ZNF33A: variants seen among roughly 807,000 people sequenced by gnomAD.
The protein encoded by ZNF33A is zinc finger protein 33A.
A neutral mutation model predicts 15.9 loss-of-function variants in ZNF33A; 9 were observed. That is an observed-to-expected ratio of 0.57 (90% confidence interval 0.34 to 0.99). ZNF33A has a LOEUF of 0.99. ZNF33A is among the 50% of genes least tolerant of loss of function. The pLI is 0.02. For synonymous variants in ZNF33A, 294 were observed against 324.2 expected (o/e 0.91, Z 1.00); for missense variants, 843 against 941.6 (o/e 0.90, Z 1.37).
chr10:38,056,138 A>G lies in ZNF33A; in HGVS notation c.2014A>G (p.Lys672Glu), dbSNP rs1376314538. The G allele has an allele frequency of 5.6e-6, 9 of 1,614,032 alleles. No homozygotes were observed. The highest frequency in any genetic ancestry group is 7.6e-6 in the Non-Finnish European group (9 of 1,180,012). Residue 672 changes from lysine to glutamate, a missense_variant, in exon 5 of 5, where the codon AAA (lysine) becomes GAA (glutamate). By Grantham distance (56) the Lys-to-Glu change is moderately conservative. Coordinates refer to ENST00000432900, the MANE Select transcript of ZNF33A (RefSeq NM_006954.2). ...EKPYKCNECG[K>E]SFCVKSGLIF... The stretch of plus-strand genomic sequence containing the variant: ...GCCCTATAAATGTAATGAATGTGGA[A>G]AATCTTTCTGTGTAAAATCAGGACT...
At chr10:38,017,633 C>G in intron 4 of ZNF33A, 1 of 269,176 alleles carries the variant, frequency 3.7e-6, no homozygotes, top group Non-Finnish European at 6.9e-6. Flanking sequence ...CAGTCTTTGC[C>G]CACCTCAACT....
intron 2 of ZNF33A, among the ~76,000 whole-genome samples, chr10:38,015,179 A>G (rs566649333): frequency 2.6e-5 from 4 of 152,122 alleles, no homozygotes; most frequent in East Asian, 1.9e-4. Context: ...CTGGCCTCCA[A>G]TTCCATTCTT....
intron 2 of ZNF33A, among the ~76,000 whole-genome samples, chr10:38,014,567 C>T (rs1318394452): frequency 6.6e-6 from 1 of 152,094 alleles, no homozygotes; most frequent in Non-Finnish European, 1.5e-5. Flanking sequence ...TTCCTTTTTT[C>T]ATGTGGTTAA....
chr10:38,034,626 A>G (rs2135653875), intron 4 of ZNF33A, among the ~76,000 whole-genome samples: 1 of 152,322 alleles, frequency 6.6e-6, no homozygotes, highest in Middle Eastern at 3.4e-3. Context: ...CCTATTTTCC[A>G]TATTGTACAC....
intron 2 of ZNF33A, among the ~76,000 whole-genome samples, chr10:38,013,488 T>C (rs909533062): frequency 6.6e-6 from 1 of 151,918 alleles, no homozygotes; most frequent in African/African-American, 2.4e-5. Context: ...AGCACAGTGG[T>C]GTGATCTTGG....
chr10:38,062,093 G>A (rs1472380459), downstream of ZNF33A, among the ~76,000 whole-genome samples: 2 of 152,206 alleles, frequency 1.3e-5, no homozygotes, highest in African/African-American at 2.4e-5. Flanking sequence ...GGAGCCAGCT[G>A]GAGAGAACAC....
intron 4 of ZNF33A, among the ~76,000 whole-genome samples, chr10:38,051,161 G>A (rs745669599): frequency 6.6e-6 from 1 of 151,948 alleles, no homozygotes. Context: ...TTGGTTTCTT[G>A]TACAAGATGT....
At chr10:38,024,918 C>T (rs1480263965) in intron 4 of ZNF33A, among the ~76,000 whole-genome samples, 1 of 152,212 alleles carries the variant, frequency 6.6e-6, no homozygotes, top group East Asian at 1.9e-4. Context: ...TAGTAACTGT[C>T]TTGATTATTT....
chr10:38,063,924 C>T (rs11011437), downstream of ZNF33A, among the ~76,000 whole-genome samples: 4,166 of 152,248 alleles, frequency 0.027, 140 homozygotes, highest in African/African-American at 0.082. Flanking sequence ...GCTTTGGCTC[C>T]TTAGGATTCA....
chr10:38,025,879 G>T lies in ZNF33A; in HGVS notation c.250+8493G>T, dbSNP rs1590528750. On this transcript the variant is annotated intron_variant, in intron 4 of 4. Coordinates refer to ENST00000432900, the MANE Select transcript of ZNF33A (RefSeq NM_006954.2). The stretch of plus-strand genomic sequence containing the variant: ...ATAGCCATTACCACAATTTCTAATA[G>T]ATTTTCATTATTTCAAACAGAAACC... Among the ~76,000 whole-genome samples, 7 of 152,276 alleles carry T rather than the reference G, an allele frequency of 4.6e-5. No individual in the cohort carries two copies. In the South Asian group the frequency reaches 1.4e-3, roughly 32 times the overall value.
intron 1 of ZNF33A, among the ~76,000 whole-genome samples, chr10:38,011,421 C>T (rs2064178695): frequency 6.6e-6 from 1 of 152,086 alleles, no homozygotes. Flanking sequence ...CCCGTCTCTA[C>T]TAAAAATACG....
chr10:38,021,509 C>T (rs373827466), intron 4 of ZNF33A, among the ~76,000 whole-genome samples: 8 of 151,902 alleles, frequency 5.3e-5, no homozygotes, highest in African/African-American at 7.3e-5. Flanking sequence ...GGCATGGTGG[C>T]GCATGCCTGT....
chr10:38,015,439 G>A (rs1163535565), intron 2 of ZNF33A, among the ~76,000 whole-genome samples: 8 of 151,902 alleles, frequency 5.3e-5, no homozygotes, highest in South Asian at 2.1e-4. Context: ...GTGTCTCAGC[G>A]GGTGTCTCAG....
chr10:38,041,628 A>C (rs1370766610), intron 4 of ZNF33A, among the ~76,000 whole-genome samples: 1 of 152,180 alleles, frequency 6.6e-6, no homozygotes, highest in Non-Finnish European at 1.5e-5. Flanking sequence ...CAAATCTGAA[A>C]CTGAGTGCCA....
upstream of ZNF33A, chr10:38,010,631 T>C: frequency 1.4e-6 from 2 of 1,387,968 alleles, no homozygotes; most frequent in East Asian, 2.3e-5. Flanking sequence ...CATCAAGCTG[T>C]GCGCGTGGGC....
rs1219282497 is a variant in ZNF33A at position 38,055,442 on chromosome 10, C to A, written c.1318C>A (p.Pro440Thr). 1.2e-6 allele frequency: 2 copies of A among 1,613,904 alleles called. No individual in the cohort carries two copies. The highest frequency in any genetic ancestry group is 2.7e-5 in the African/African-American group (2 of 74,860). ...KHQRTHTGLK[P>T]YECYECGKSF... ...TCAGAGAACACACACAGGGCTGAAACCCTATGAATGTTATGAATGTGGAAA... is the reference window on the plus strand; with the variant it reads ...TCAGAGAACACACACAGGGCTGAAAACCTATGAATGTTATGAATGTGGAAA... The change falls in exon 5 of 5, where the codon CCC (proline) becomes ACC (threonine). Residue 440 changes from proline (P) to threonine (T), a missense_variant. Transcript: ENST00000432900.
intron 4 of ZNF33A, among the ~76,000 whole-genome samples, chr10:38,040,300 C>G (rs897831720): frequency 3.3e-5 from 5 of 152,066 alleles, no homozygotes; most frequent in African/African-American, 1.2e-4. Flanking sequence ...CTGTCTATAT[C>G]TCTTAGATCT....
Position 38,060,081 on chromosome 10 carries a change from C to T in ZNF33A, c.*3521C>T, listed in dbSNP as rs2066636750. ...CCCTGAGGAACATCTTGTTTCTGTA[C>T]TAAGGTGTTCTTTTGTTAGTTGTAT... On this transcript the variant is annotated 3_prime_UTR_variant, in exon 5 of 5. Coordinates refer to ENST00000432900, the MANE Select transcript of ZNF33A (RefSeq NM_006954.2). The T allele has an allele frequency of 1.0e-6, 1 of 985,192 alleles. No individual in the cohort carries two copies. Among genetic ancestry groups the T allele is most frequent in the Non-Finnish European group, 1.2e-6 (1 of 829,852 alleles). The allele number at this position is 985,192 out of a possible 1,614,324, so 61.0% of individuals were successfully genotyped here.
intron 4 of ZNF33A, among the ~76,000 whole-genome samples, chr10:38,043,184 C>T (rs2135704556): frequency 6.6e-6 from 1 of 152,044 alleles, no homozygotes; most frequent in East Asian, 1.9e-4. Flanking sequence ...AATAGTTCTG[C>T]TATTTTAGGT....
Sources: gnomAD v4.1 joint callset for allele counts (sites outside exome capture counted in the v4.1 genomes callset) on GRCh38, gnomAD v4.1.1 for gene constraint, MANE v1.5 for transcripts, NCBI Gene and HGNC (gene_info 2026-07-23, HGNC 2026-07-21) for gene names.